Variants in AGBL1 observed in about 807,000 individuals in gnomAD.
AGBL1 encodes the protein cytosolic carboxypeptidase 4.
AGBL1 carries 130 observed loss-of-function variants against 118.9 expected under a neutral mutation model. The ratio of observed to expected loss-of-function variants is 1.09; its 90% CI spans 0.95 to 1.26. The LOEUF is 1.26. Among genes scored for constraint, AGBL1 ranks in the 50% most tolerant of loss-of-function variants. The pLI is 0.00. For missense variants in AGBL1, 1,584 were observed against 1,298.1 expected, an observed-to-expected ratio of 1.22 and a Z score of -3.38; for synonymous variants, 555 against 478.9, an observed-to-expected ratio of 1.16 and a Z score of -2.08.
At chr15:86,362,332 T>A (rs1479742589) in intron 17 of AGBL1, among the ~76,000 whole-genome samples, 1 of 152,228 alleles carries the variant, frequency 6.6e-6, no homozygotes, top group African/African-American at 2.4e-5. Context: ...TGGTTTATAT[T>A]ACACCATTGC....
At chr15:86,354,993 T>C (rs1284081965) in intron 17 of AGBL1, among the ~76,000 whole-genome samples, 2 of 152,192 alleles carry the variant, frequency 1.3e-5, no homozygotes, top group East Asian at 1.9e-4. Flanking sequence ...AGACACCTAG[T>C]TGACAGCCAG....
chr15:86,840,176 G>A (rs982148918), intron 22 of AGBL1, among the ~76,000 whole-genome samples: 29 of 152,210 alleles, frequency 1.9e-4, no homozygotes, highest in Non-Finnish European at 3.2e-4. Flanking sequence ...AAATCTTTGC[G>A]TTTGTCAACA....
At chr15:86,322,851 C>T (rs907545797) in intron 17 of AGBL1, among the ~76,000 whole-genome samples, 1 of 152,150 alleles carries the variant, frequency 6.6e-6, no homozygotes, top group Non-Finnish European at 1.5e-5. Flanking sequence ...GAGCCAAGTG[C>T]AGTAATTTTT....
rs551145220 is a variant in AGBL1 at position 86,613,362 on chromosome 15, A to G, written c.2994+58825A>G. On this transcript the variant is annotated intron_variant, in intron 21 of 22. Coordinates refer to ENST00000614907, the MANE Select transcript of AGBL1 (RefSeq NM_001386094.1). This position sits in a 1 kb window ranked among gnomAD's most constrained non-coding sequence, Gnocchi z 4.2. The stretch of plus-strand genomic sequence containing the variant: ...TAGCTGGATCTAATGGGGCAGTAGG[A>G]CACCGGTTGGTGCGTGGACAGTTAG... 1.3e-5 allele frequency among the ~76,000 whole-genome samples: 2 copies of G among 152,258 alleles called. No individual in the cohort carries two copies. The highest frequency in any genetic ancestry group is 3.9e-4 in the East Asian group (2 of 5,158).
chr15:86,375,555 T>C (rs1404255086), intron 17 of AGBL1, among the ~76,000 whole-genome samples: 2 of 152,170 alleles, frequency 1.3e-5, no homozygotes, highest in Non-Finnish European at 2.9e-5. Context: ...ATTTGTAGCA[T>C]CATATTAAAC....
intron 22 of AGBL1, among the ~76,000 whole-genome samples, chr15:86,846,002 G>T (rs1402751042): frequency 6.6e-6 from 1 of 152,140 alleles, no homozygotes; most frequent in Non-Finnish European, 1.5e-5. Flanking sequence ...GCCTGAGACT[G>T]TCTCCTTCAG....
At chr15:86,153,831 C>T (rs2077151009) in intron 3 of AGBL1, among the ~76,000 whole-genome samples, 1 of 152,068 alleles carries the variant, frequency 6.6e-6, no homozygotes. Context: ...TTATTTTTAT[C>T]TGAAATATTT....
chr15:86,231,827 A>G (rs1286272960), intron 6 of AGBL1, among the ~76,000 whole-genome samples: 1 of 152,186 alleles, frequency 6.6e-6, no homozygotes, highest in Non-Finnish European at 1.5e-5. Flanking sequence ...CCTAAAGAAG[A>G]TATGACTGGA....
At chr15:87,010,509 A>C (rs2081547685) in intron 24 of AGBL1, among the ~76,000 whole-genome samples, 1 of 152,184 alleles carries the variant, frequency 6.6e-6, no homozygotes, top group African/African-American at 2.4e-5. Context: ...AAGGCAAAGG[A>C]AAGGTGAATT....
chr15:86,635,323 C>T (rs868675273), intron 21 of AGBL1, among the ~76,000 whole-genome samples: 2 of 111,178 alleles, frequency 1.8e-5, no homozygotes, highest in African/African-American at 8.0e-5. Flanking sequence ...CCTCCTCCTC[C>T]TCCTCCTCCT....
chr15:86,833,209 C>T (rs533971717), intron 22 of AGBL1, among the ~76,000 whole-genome samples: 1 of 152,206 alleles, frequency 6.6e-6, no homozygotes, highest in Non-Finnish European at 1.5e-5. Flanking sequence ...CAAACCATAT[C>T]ACCCATTTAA....
At chr15:86,702,480 C>A (rs766713938) in intron 22 of AGBL1, among the ~76,000 whole-genome samples, 12 of 152,012 alleles carry the variant, frequency 7.9e-5, no homozygotes, top group Non-Finnish European at 1.6e-4. Flanking sequence ...ATTTTATCAT[C>A]ACTTGTTTCT....
intron 23 of AGBL1, among the ~76,000 whole-genome samples, chr15:86,951,833 A>C (rs1172004118): frequency 6.6e-6 from 1 of 152,192 alleles, no homozygotes; most frequent in African/African-American, 2.4e-5. Context: ...TTAAGTGTAC[A>C]CATGTTTAGG....
intron 21 of AGBL1, among the ~76,000 whole-genome samples, chr15:86,614,761 A>AT (rs144101740): frequency 6.6e-6 from 1 of 152,180 alleles, no homozygotes; most frequent in Non-Finnish European, 1.5e-5. Context: ...CTCAAAAGAT[A>AT]TTTTTTCATT....
chr15:86,342,622 C>T (rs981215901), intron 17 of AGBL1, among the ~76,000 whole-genome samples: 3 of 152,070 alleles, frequency 2.0e-5, no homozygotes, highest in Admixed American at 1.3e-4. Context: ...ATGATGAATA[C>T]CTTGGACTTC....
chr15:86,828,879 G>A (rs1363144538), intron 22 of AGBL1, among the ~76,000 whole-genome samples: 2 of 146,258 alleles, frequency 1.4e-5, no homozygotes, highest in African/African-American at 5.1e-5. Flanking sequence ...TACATATACA[G>A]TCATATATAA....
At chr15:86,499,800 TAGTG>T (rs1199414233) in intron 18 of AGBL1, among the ~76,000 whole-genome samples, 1 of 151,894 alleles carries the variant, frequency 6.6e-6, no homozygotes, top group Non-Finnish European at 1.5e-5. Flanking sequence ...TAAGTGAAAG[TAGTG>T]ACCTGGTTAG....
chr15:86,778,015 G>C (rs1055056701), intron 22 of AGBL1, among the ~76,000 whole-genome samples: 1 of 152,118 alleles, frequency 6.6e-6, no homozygotes, highest in East Asian at 1.9e-4. Flanking sequence ...CTAAGGGTCA[G>C]CCGGTCTGAG....
chr15:86,233,522 T>C (rs1275509710), intron 6 of AGBL1, among the ~76,000 whole-genome samples: 1 of 152,112 alleles, frequency 6.6e-6, no homozygotes, highest in Non-Finnish European at 1.5e-5. Context: ...TTGATAGGCA[T>C]TGAGAAACAC....
Sources: gnomAD v4.1 joint callset for allele counts (sites outside exome capture counted in the v4.1 genomes callset) on GRCh38, gnomAD v4.1.1 for gene constraint, Gnocchi (gnomAD v3.1) non-coding constraint, MANE v1.5 for transcripts, NCBI Gene and HGNC (gene_info 2026-07-23, HGNC 2026-07-21) for gene names.